TXLNB: variants seen among roughly 807,000 people sequenced by gnomAD.
TXLNB encodes beta-taxilin.
TXLNB carries 37 observed loss-of-function variants against 57.4 expected under a neutral mutation model. That is an observed-to-expected ratio of 0.64 (90% confidence interval 0.50 to 0.85). TXLNB has a LOEUF of 0.85. TXLNB is among the 40% of genes least tolerant of loss of function. TXLNB has a pLI of 0.00. For synonymous variants in TXLNB, 302 were observed against 309.6 expected, an observed-to-expected ratio of 0.98 and a Z score of 0.26; for missense variants, 848 against 825.6, an observed-to-expected ratio of 1.03 and a Z score of -0.33.
chr6:139,167,036 C>G, the TXLNB span: 1 of 1,614,208 alleles, frequency 6.2e-7, no homozygotes, highest in Middle Eastern at 1.6e-4. Flanking sequence ...CACCCCCGTG[C>G]AGTTCCTTCG....
At chr6:139,228,796 C>A in the TXLNB span, among the ~76,000 whole-genome samples, 1 of 152,234 alleles carries the variant, frequency 6.6e-6, no homozygotes, top group Middle Eastern at 3.4e-3. Flanking sequence ...CCCCAGATAA[C>A]GTATGAATAA....
chr6:139,319,318 T>C, the TXLNB span, among the ~76,000 whole-genome samples: 2 of 150,660 alleles, frequency 1.3e-5, no homozygotes, highest in African/African-American at 4.9e-5. Context: ...CAGGCTGGTC[T>C]CAAAGTCCTG....
the TXLNB span, among the ~76,000 whole-genome samples, chr6:139,206,723 C>G: frequency 6.6e-6 from 1 of 151,444 alleles, no homozygotes; most frequent in Non-Finnish European, 1.5e-5. Context: ...AAAAAACCTA[C>G]CAACCAAGTG....
At chr6:139,283,211 A>G (rs1184268133) in intron 2 of TXLNB, 2 of 143,222 alleles carry the variant, frequency 1.4e-5, no homozygotes, top group African/African-American at 5.2e-5. Flanking sequence ...CCTCAAAAGG[A>G]AAAAGAAGTC....
At chr6:139,248,408 A>T (rs1776118505) in intron 7 of TXLNB, among the ~76,000 whole-genome samples, 1 of 152,146 alleles carries the variant, frequency 6.6e-6, no homozygotes, top group African/African-American at 2.4e-5. Context: ...AGGCAGGAGA[A>T]TCGCTTGAAC....
At chr6:139,222,756 G>A in the TXLNB span, among the ~76,000 whole-genome samples, 4 of 152,226 alleles carry the variant, frequency 2.6e-5, no homozygotes, top group South Asian at 2.1e-4. Context: ...GCAGTGAGCC[G>A]AGATTGCGCC....
rs528824788 is a variant in TXLNB at position 139,278,054 on chromosome 6, G to A, written c.425-1133C>T. Among the ~76,000 whole-genome samples the A allele has an allele frequency of 2.2e-4, 33 of 152,290 alleles. 1 individual carries two copies. The highest frequency in any genetic ancestry group is 7.5e-4 in the African/African-American group (31 of 41,546). On this transcript the variant is annotated intron_variant, in intron 2 of 9. Coordinates refer to ENST00000358430, the MANE Select transcript of TXLNB (RefSeq NM_153235.4). ...AAATTCTAATTTTTCTGGACATCCT[G>A]TATTTTCCTTTGCTAAACCTGGCAA...
intron 3 of TXLNB, among the ~76,000 whole-genome samples, chr6:139,271,101 T>C (rs1358640912): frequency 6.6e-6 from 1 of 152,168 alleles, no homozygotes; most frequent in Non-Finnish European, 1.5e-5. Context: ...AAATGCAGCC[T>C]CCTGGTAAAC....
chr6:139,215,797 T>G, the TXLNB span, among the ~76,000 whole-genome samples: 5 of 151,780 alleles, frequency 3.3e-5, no homozygotes, highest in African/African-American at 1.2e-4. Context: ...AACAAACCCA[T>G]CAAAAAGTGG....
rs149673490 is a variant in TXLNB, at chr6:139,256,256, C to A, written c.1003-618G>T. ...TTCTCTAGTAATCTTGGCCAACAAT[C>A]ATTCAGCCTCTGCTGGAACCTCTCC... On this transcript the variant is annotated intron_variant, in intron 6 of 9. Transcript: ENST00000358430. Among the ~76,000 whole-genome samples, 30 of 152,326 alleles carry A rather than the reference C, an allele frequency of 2.0e-4. No homozygotes were observed. In the East Asian group the frequency reaches 5.8e-3, roughly 29 times the overall value.
the TXLNB span, among the ~76,000 whole-genome samples, chr6:139,309,392 C>T: frequency 6.6e-6 from 1 of 152,284 alleles, no homozygotes; most frequent in African/African-American, 2.4e-5. Context: ...GTAGATCTTG[C>T]GTACACACAC....
chr6:139,167,281 G>C, the TXLNB span: 1 of 1,609,248 alleles, frequency 6.2e-7, no homozygotes, highest in Non-Finnish European at 8.5e-7. Flanking sequence ...TAAGCCCGTC[G>C]AGACATGATG....
chr6:139,206,443 C>T, the TXLNB span, among the ~76,000 whole-genome samples: 22,853 of 151,978 alleles, frequency 0.15, 1,906 homozygotes, highest in East Asian at 0.26. Context: ...CCAAGGTGGG[C>T]GGATCACGAA....
chr6:139,303,455 C>G, the TXLNB span, among the ~76,000 whole-genome samples: 1 of 152,016 alleles, frequency 6.6e-6, no homozygotes, highest in Non-Finnish European at 1.5e-5. Flanking sequence ...ATGCTATATA[C>G]AAGGAAATGT....
intron 4 of TXLNB, among the ~76,000 whole-genome samples, chr6:139,266,479 G>A (rs1242636024): frequency 6.6e-6 from 1 of 152,162 alleles, no homozygotes; most frequent in Non-Finnish European, 1.5e-5. Context: ...ATTTAGAGCA[G>A]AATGAAAATG....
chr6:139,178,717 G>A, the TXLNB span: 7 of 152,050 alleles, frequency 4.6e-5, no homozygotes, highest in African/African-American at 1.7e-4. Context: ...TGGGACTATA[G>A]GCACGTGCCA....
At chr6:139,234,369 A>AC in the TXLNB span, 1 of 152,302 alleles carries the variant, frequency 6.6e-6, no homozygotes, top group Non-Finnish European at 1.5e-5. Context: ...ACCTCTTATC[A>AC]CAGGCCTGGA....
chr6:139,250,426 C>T (rs898828334), intron 7 of TXLNB, among the ~76,000 whole-genome samples: 2 of 145,998 alleles, frequency 1.4e-5, no homozygotes, highest in African/African-American at 5.1e-5. Context: ...TCAGGGCCCA[C>T]AAATGGGTCA....
At chr6:139,246,062 CA>C (rs1435040484) in intron 8 of TXLNB, among the ~76,000 whole-genome samples, 1 of 144,270 alleles carries the variant, frequency 6.9e-6, no homozygotes, top group African/African-American at 2.8e-5. Context: ...CCACACTTCA[CA>C]AAAATGTGCA....
Sources: allele counts gnomAD v4.1 joint callset (sites outside exome capture counted in the v4.1 genomes callset), GRCh38; gene constraint gnomAD v4.1.1; transcripts MANE v1.5; gene names NCBI Gene and HGNC (gene_info 2026-07-23, HGNC 2026-07-21).